SLC15A1: variants seen among roughly 807,000 people sequenced by gnomAD.
SLC15A1 encodes Caco-2 oligopeptide transporter.
Under a neutral mutation model 92.9 loss-of-function variants are expected in SLC15A1, and 83 were observed. The observed-to-expected ratio is 0.89, with a 90% confidence interval of 0.75 to 1.07. SLC15A1 has a LOEUF of 1.07. SLC15A1 is among the 50% of genes least tolerant of loss of function. The pLI is 0.00. For missense variants in SLC15A1, 857 were observed against 880.1 expected, an observed-to-expected ratio of 0.97 and a Z score of 0.33; for synonymous variants, 322 against 318.2, an observed-to-expected ratio of 1.01 and a Z score of -0.13.
At chr13:98,746,891 A>G (rs1438837921) in intron 1 of SLC15A1, among the ~76,000 whole-genome samples, 3 of 152,118 alleles carry the variant, frequency 2.0e-5, no homozygotes, top group African/African-American at 7.2e-5. Context: ...CTCCTTCTTA[A>G]GCCTCTGTGG....
intron 9 of SLC15A1, among the ~76,000 whole-genome samples, 179 bp from the exon 10 acceptor site, chr13:98,712,763 C>G (rs557562818): frequency 6.6e-6 from 1 of 152,118 alleles, no homozygotes; most frequent in East Asian, 1.9e-4. Context: ...CAACTAAGAG[C>G]GTTTGAGTTG....
Position 98,727,477 on chromosome 13 carries a change from C to CCACTTTACATCCT in SLC15A1, c.5-619_5-618insAGGATGTAAAGTG, listed in dbSNP as rs2088311886. Among the ~76,000 whole-genome samples, 4 of 152,312 alleles carry CCACTTTACATCCT rather than the reference C, an allele frequency of 2.6e-5. No homozygotes were observed. The South Asian group carries it at 8.3e-4, about 32-fold the overall frequency. ...TGTGCCATCCATCACACCAACATCC[C>CCACTTTACATCCT]CACTTTCAACGTCCTGTACAATACC... On this transcript the variant is annotated intron_variant, in intron 1 of 22. Coordinates refer to ENST00000376503, the MANE Select transcript of SLC15A1 (RefSeq NM_005073.4).
chr13:98,687,610 C>G lies in SLC15A1; in HGVS notation c.1798G>C (p.Val600Leu). The G allele has an allele frequency of 6.2e-7, 1 of 1,614,108 alleles. No individual in the cohort carries two copies. The highest frequency in any genetic ancestry group is 1.3e-5 in the African/African-American group (1 of 75,028). ...GAATATGAGAATTCCAATCCCGTGA[C>G]AGAGAAGACCACTTCGCCACAGGTG... ...LLTCGEVVFS[V>L]TGLEFSYSQA... is the part of the protein sequence containing the mutation. The change falls in exon 21 of 23, where the codon GTC becomes CTC. Residue 600 changes from valine to leucine, a missense_variant. Transcript: ENST00000376503.
chr13:98,700,602 C>T (rs1442331153), intron 18 of SLC15A1, among the ~76,000 whole-genome samples: 1 of 150,908 alleles, frequency 6.6e-6, no homozygotes, highest in Non-Finnish European at 1.5e-5. Flanking sequence ...TCTAAGAACC[C>T]AAAGTCACAA....
chr13:98,742,370 T>C (rs1287519846), intron 1 of SLC15A1, among the ~76,000 whole-genome samples: 1 of 152,168 alleles, frequency 6.6e-6, no homozygotes, highest in African/African-American at 2.4e-5. Context: ...CCATGCAAAG[T>C]CTGTCGCCAT....
At chr13:98,692,081 A>T (rs2087983501) in intron 18 of SLC15A1, among the ~76,000 whole-genome samples, 1 of 151,522 alleles carries the variant, frequency 6.6e-6, no homozygotes, top group Non-Finnish European at 1.5e-5. Context: ...CTCAAAAAGA[A>T]AAAAAAAGAA....
At chr13:98,704,779 G>A (rs1397997148) in intron 16 of SLC15A1, among the ~76,000 whole-genome samples, 4 of 152,150 alleles carry the variant, frequency 2.6e-5, no homozygotes, top group African/African-American at 9.7e-5. Context: ...AATCAATACT[G>A]GGCTGCTCCA....
chr13:98,685,997 A>AAAG (rs149596366), intron 22 of SLC15A1, among the ~76,000 whole-genome samples, 193 bp downstream of exon 22: 35 of 149,860 alleles, frequency 2.3e-4, no homozygotes, highest in South Asian at 6.3e-4. Flanking sequence ...AAAAAAAAAA[A>AAAG]AAGAAGAAGA....
chr13:98,708,254 C>A (rs1045499946), intron 15 of SLC15A1, among the ~76,000 whole-genome samples: 1 of 152,162 alleles, frequency 6.6e-6, no homozygotes, highest in African/African-American at 2.4e-5. Flanking sequence ...TAGCCCACTG[C>A]GAGTCCAATA....
intron 10 of SLC15A1, 39 bp downstream of exon 10, chr13:98,712,458 TG>T (rs2088171454): frequency 6.8e-7 from 1 of 1,471,356 alleles, no homozygotes; most frequent in African/African-American, 1.4e-5. Flanking sequence ...GTTCACTTCC[TG>T]GGGGAATCAG....
chr13:98,699,994 G>T (rs1231426258), intron 18 of SLC15A1, among the ~76,000 whole-genome samples: 7 of 152,142 alleles, frequency 4.6e-5, no homozygotes, highest in Admixed American at 3.3e-4. Context: ...ATACAGATTT[G>T]CTGTGAAAGA....
intron 8 of SLC15A1, among the ~76,000 whole-genome samples, chr13:98,718,347 T>C (rs1209711719): frequency 7.6e-6 from 1 of 131,506 alleles, no homozygotes; most frequent in Non-Finnish European, 1.6e-5. Flanking sequence ...TGAGACAGGG[T>C]CTTGCTCTAT....
intron 18 of SLC15A1, among the ~76,000 whole-genome samples, chr13:98,690,207 T>A (rs2087963935): frequency 6.6e-6 from 1 of 152,204 alleles, no homozygotes; most frequent in Non-Finnish European, 1.5e-5. Context: ...GGCTAAAATG[T>A]GGGGCCAAGT....
chr13:98,689,398 C>G (rs1415787756), intron 18 of SLC15A1, among the ~76,000 whole-genome samples: 1 of 152,130 alleles, frequency 6.6e-6, no homozygotes, highest in Non-Finnish European at 1.5e-5. Flanking sequence ...GGGAAGGGCA[C>G]CCGGGACTGG....
At chr13:98,720,965 T>C (rs1349971975) in intron 7 of SLC15A1, 1 of 365,522 alleles carries the variant, frequency 2.7e-6, no homozygotes, top group African/African-American at 2.1e-5. Flanking sequence ...GGCAGGAGAA[T>C]TGCTTGAACC....
intron 1 of SLC15A1, among the ~76,000 whole-genome samples, chr13:98,749,482 AGGGAGTGAGGTGGGGT>A (rs2088523706): frequency 6.6e-6 from 1 of 152,164 alleles, no homozygotes; most frequent in Non-Finnish European, 1.5e-5. Context: ...GCTTTGGATA[AGGGAGTGAGGTGGGGT>A]GGGAGGAAAG....
At chr13:98,736,899 T>C (rs2088399433) in intron 1 of SLC15A1, among the ~76,000 whole-genome samples, 1 of 152,162 alleles carries the variant, frequency 6.6e-6, no homozygotes, top group African/African-American at 2.4e-5. Flanking sequence ...TTGGTGGGAG[T>C]GTAAACTAGT....
intron 18 of SLC15A1, among the ~76,000 whole-genome samples, chr13:98,696,965 G>A (rs2139568096): frequency 6.6e-6 from 1 of 152,284 alleles, no homozygotes; most frequent in South Asian, 2.1e-4. Flanking sequence ...GCATTTACAA[G>A]CCGAGGAGAC....
At chr13:98,733,757 T>C (rs979798000) in intron 1 of SLC15A1, among the ~76,000 whole-genome samples, 3 of 152,238 alleles carry the variant, frequency 2.0e-5, no homozygotes, top group African/African-American at 7.2e-5. Flanking sequence ...CATGTGGCCT[T>C]GATCAAGGTG....
Sources: allele counts gnomAD v4.1 joint callset (sites outside exome capture counted in the v4.1 genomes callset), GRCh38; gene constraint gnomAD v4.1.1; transcripts MANE v1.5; gene names NCBI Gene and HGNC (gene_info 2026-07-23, HGNC 2026-07-21).